The following ZNF584 variants were observed in gnomAD, a reference collection of about 807,000 sequenced individuals.
ZNF584 encodes zinc finger protein 584.
In ZNF584, 12 loss-of-function variants were observed where a neutral mutation model predicts 14.7. That is an observed-to-expected ratio of 0.82 (90% CI 0.52 to 1.32). The LOEUF is 1.32. ZNF584 is among the 40% of genes most tolerant of loss of function. ZNF584 has a pLI of 0.00. For missense variants in ZNF584, 478 were observed against 518.8 expected (o/e 0.92, Z 0.76); for synonymous variants, 204 against 190.9 (o/e 1.07, Z -0.57).
rs560162357 is a variant in ZNF584, at chr19:58,413,436, C to A, written c.170-2088C>A. The stretch of plus-strand genomic sequence containing the variant: ...TCTCGGCTCAATGCAATCTCCACCT[C>A]CTGGGTTCAAGCAATTCTGCTGCCT... On this transcript the variant is annotated intron_variant, in intron 2 of 3. Transcript: ENST00000306910. 3.9e-5 allele frequency among the ~76,000 whole-genome samples: 6 copies of A among 152,048 alleles called. No homozygotes were observed. The East Asian group carries it at 1.2e-3, about 29-fold the overall frequency.
intron 2 of ZNF584, among the ~76,000 whole-genome samples, chr19:58,411,979 T>A (rs1292240649): frequency 1.2e-5 from 1 of 82,598 alleles, no homozygotes; most frequent in Admixed American, 1.1e-4. Context: ...TAATACTTGT[T>A]TTTTTTTTTT....
chr19:58,404,461 T>A (rs1411815693), upstream of ZNF584: 1 of 156,106 alleles, frequency 6.4e-6, no homozygotes, highest in South Asian at 1.6e-4. Context: ...CCTTCAAGCA[T>A]CTGTTTAACA....
chr19:58,407,567 C>A (rs773576625), upstream of ZNF584, among the ~76,000 whole-genome samples: 2 of 152,150 alleles, frequency 1.3e-5, no homozygotes, highest in African/African-American at 2.4e-5. Context: ...AGTGCCACGA[C>A]CAACAGCGAC....
rs1340373210 is a variant in ZNF584, at chr19:58,410,557, A to ATATATATATATG, written c.169+467_169+468insATATATATATGT. On this transcript the variant is annotated intron_variant, in intron 2 of 3. Coordinates refer to ENST00000306910, the MANE Select transcript of ZNF584 (RefSeq NM_173548.3). ...TATATATATATATATATATATATATATGTGTATATATATATGTATATATAT... is the reference window on the plus strand; with the variant it reads ...TATATATATATATATATATATATATATATATATATATGTGTGTATATATATATGTATATATAT... Among the ~76,000 whole-genome samples the ATATATATATATG allele has an allele frequency of 3.5e-4, 9 of 26,004 alleles. 2 individuals are homozygous for ATATATATATATG. The East Asian group carries it at 5.8e-3, about 17-fold the overall frequency. 17.1% of individuals were successfully genotyped at this position (26,004 alleles called of 152,430 possible).
At chr19:58,411,806 G>A (rs922678709) in intron 2 of ZNF584, among the ~76,000 whole-genome samples, 1 of 150,760 alleles carries the variant, frequency 6.6e-6, no homozygotes, top group African/African-American at 2.4e-5. Flanking sequence ...ACCACGCCCA[G>A]CTAATTTTTG....
intron 2 of ZNF584, among the ~76,000 whole-genome samples, chr19:58,412,993 T>C (rs971150168): frequency 3.9e-5 from 6 of 152,228 alleles, no homozygotes; most frequent in Admixed American, 1.3e-4. Flanking sequence ...TTACTAGTGA[T>C]GTCCTTTTTC....
intron 1 of ZNF584, 72 bp from the exon 2 acceptor site, chr19:58,409,869 C>T (rs1329896830): frequency 6.3e-7 from 1 of 1,584,538 alleles, no homozygotes; most frequent in Non-Finnish European, 8.7e-7. Flanking sequence ...CCCTGAGATA[C>T]AGGTCAAGGG....
In ZNF584 at chr19:58,417,874, A is replaced by G. The variant is rs879268873; in HGVS notation, c.*90A>G. The G allele has an allele frequency of 4.1e-6, 6 of 1,457,126 alleles. No homozygotes were observed. The highest frequency in any genetic ancestry group is 2.5e-4 in the Middle Eastern group (1 of 4,000). The allele number at this position is 1,457,126 out of a possible 1,614,324, so 90.3% of individuals were successfully genotyped here. A position where few individuals can be genotyped will look rare whatever the true frequency, so the allele number is the denominator to read the frequency against. The stretch of plus-strand genomic sequence containing the variant: ...CCATCCGAAAGAAGCTAAACCTTGC[A>G]CATCCCAACACCCACCCCAGGGAGA... On this transcript the variant is annotated 3_prime_UTR_variant, in exon 4 of 4. Coordinates refer to ENST00000306910, the MANE Select transcript of ZNF584 (RefSeq NM_173548.3).
intron 2 of ZNF584, among the ~76,000 whole-genome samples, chr19:58,412,556 C>T (rs544922170): frequency 7.9e-5 from 12 of 152,278 alleles, no homozygotes; most frequent in South Asian, 2.1e-4. Context: ...CCACCCATCT[C>T]GGCCTCCAAA....
upstream of ZNF584, chr19:58,404,880 C>T (rs564623713): frequency 0.06 from 9,011 of 150,420 alleles, 1,065 homozygotes; most frequent in African/African-American, 0.22. Context: ...CCCCCCCCAC[C>T]TCCCTCCTGG....
In ZNF584 at chr19:58,416,426, G is replaced by A. The variant is rs74531538; in HGVS notation, c.293-385G>A. 6.8e-3 allele frequency: 1,082 copies of A among 158,706 alleles called. 20 individuals are homozygous for A. Among genetic ancestry groups the A allele is most frequent in the African/African-American group, 0.027 (1,037 of 38,982 alleles). 9.8% of individuals were successfully genotyped at this position (158,706 alleles called of 1,614,324 possible). On this transcript the variant is annotated intron_variant, in intron 3 of 3. Transcript: ENST00000306910. ...TAATTTTTTTTTTTTTTTTTGAGTC[G>A]GAGTTTTGCTCTTACTGCCCAGGCT... is the stretch of plus-strand genomic sequence containing the variant.
At chr19:58,406,564 G>A (rs2052475567), upstream of ZNF584, 1 of 152,238 alleles carries the variant, frequency 6.6e-6, no homozygotes, top group African/African-American at 2.4e-5. Context: ...AGTGACCTTG[G>A]TACCCAGACA....
At position 58,409,160 on chromosome 19, in the gene ZNF584, G is replaced by A. The variant is rs764602806; in HGVS notation, c.13G>A (p.Ala5Thr). Reference protein sequence around the residue: MAGEAEAQLDPSLQG... With the variant: MAGETEAQLDPSLQG... The stretch of plus-strand genomic sequence containing the variant: ...CCCGCACGGTCCAATGGCCGGGGAG[G>A]CGGAGGTGAGCAGAGGATGCCTCCG... Residue 5 changes from alanine (A) to threonine (T), a missense_variant, in exon 1 of 4, where the codon GCG becomes ACG. Ala to Thr is a moderately conservative substitution (Grantham distance 58, BLOSUM62 0). This residue lies in a region of ZNF584 where 189 missense variants were observed against 177.9 expected (regional missense o/e 1.06). Coordinates refer to ENST00000306910, the MANE Select transcript of ZNF584 (RefSeq NM_173548.3). 6.9e-7 allele frequency: 1 copy of A among 1,444,718 alleles called. No individual in the cohort carries two copies. Among genetic ancestry groups the A allele is most frequent in the Non-Finnish European group, 9.2e-7 (1 of 1,091,372 alleles). 89.5% of individuals were successfully genotyped at this position (1,444,718 alleles called of 1,614,324 possible).
upstream of ZNF584, chr19:58,406,344 C>CGGGGGGGGGGAGGGGGG (rs2052472868): frequency 4.1e-5 from 1 of 24,400 alleles, no homozygotes; most frequent in Admixed American, 3.9e-4. Flanking sequence ...GTGGAAAGAG[C>CGGGGGGGGGGAGGGGGG]GGGGGGGGGG....
At chr19:58,409,895 C>T (rs2122209243) in intron 1 of ZNF584, 46 bp from the exon 2 acceptor site, 5 of 1,612,620 alleles carry the variant, frequency 3.1e-6, no homozygotes, top group Non-Finnish European at 4.2e-6. Context: ...ATGTGTCCAT[C>T]TGTCCATATT....
chr19:58,404,652 AACCATCCG>A (rs2052452184), upstream of ZNF584: 7 of 228,410 alleles, frequency 3.1e-5, no homozygotes, highest in Admixed American at 4.0e-4. Context: ...CAGACACGGC[AACCATCCG>A]ATTTCTCAAT....
intron 1 of ZNF584, 99 bp from the exon 2 acceptor site, chr19:58,409,842 G>C: frequency 7.1e-7 from 1 of 1,410,338 alleles, no homozygotes. Flanking sequence ...ATAATGTCAG[G>C]GGGAGATGTG....
chr19:58,405,327 T>G (rs1391228716), upstream of ZNF584: 1 of 78,414 alleles, frequency 1.3e-5, no homozygotes, highest in Non-Finnish European at 2.5e-5. Context: ...GCTCCTCACT[T>G]CCCAGTAGGG....
At chr19:58,411,540 A>G (rs1354534572) in intron 2 of ZNF584, among the ~76,000 whole-genome samples, 1 of 148,000 alleles carries the variant, frequency 6.8e-6, no homozygotes, top group East Asian at 2.0e-4. Flanking sequence ...AAAAAAAAAG[A>G]AAAGAAAGGT....
Sources: allele counts gnomAD v4.1 joint callset (sites outside exome capture counted in the v4.1 genomes callset), GRCh38; gene constraint gnomAD v4.1.1; regional missense constraint gnomAD v4.1.1; transcripts MANE v1.5; gene names NCBI Gene and HGNC (gene_info 2026-07-23, HGNC 2026-07-21).